The following ATP2B2 variants were observed in gnomAD, a reference collection of about 807,000 sequenced individuals.
ATP2B2 encodes ATPase plasma membrane Ca2+ transporting 2.
A neutral mutation model predicts 120.0 loss-of-function variants in ATP2B2; 15 were observed. The observed-to-expected ratio is 0.12, with a 90% CI of 0.08 to 0.19. The LOEUF (loss-of-function observed/expected upper bound fraction) is 0.19, where lower values mean the gene tolerates loss of function less well. Ranked by LOEUF, ATP2B2 falls within the 10% of genes least tolerant of loss-of-function variation. The probability of loss-of-function intolerance (pLI) is 1.00; values close to 1 mark genes in which losing one functional copy is unlikely to be tolerated. For missense variants in ATP2B2, 1,045 were observed against 1,719.8 expected (o/e 0.61, Z 6.94); for synonymous variants, 694 against 700.3 (o/e 0.99, Z 0.14).
At chr3:10,490,501 A>G (rs1263272331) in intron 1 of ATP2B2, among the ~76,000 whole-genome samples, 1 of 148,624 alleles carries the variant, frequency 6.7e-6, no homozygotes, top group African/African-American at 2.5e-5. Context: ...CCTGTGTTTA[A>G]GCAATTCCTG....
chr3:10,338,966 A>C (rs1164043013), intron 21 of ATP2B2: 1 of 155,072 alleles, frequency 6.4e-6, no homozygotes, highest in Admixed American at 6.3e-5. Context: ...AATCTTCCCC[A>C]AAAGGCTTGT....
intron 12 of ATP2B2, among the ~76,000 whole-genome samples, chr3:10,362,033 T>C (rs2125458901): frequency 6.6e-6 from 1 of 152,332 alleles, no homozygotes; most frequent in East Asian, 1.9e-4. Flanking sequence ...CACCCACTCA[T>C]GCCACTTAAT....
intron 2 of ATP2B2, among the ~76,000 whole-genome samples, chr3:10,543,526 T>C (rs2067481809): frequency 6.6e-6 from 1 of 152,214 alleles, no homozygotes; most frequent in Non-Finnish European, 1.5e-5. Flanking sequence ...AAGAGACTTG[T>C]AAAAATATGA....
intron 1 of ATP2B2, among the ~76,000 whole-genome samples, chr3:10,472,438 A>T (rs1431519965): frequency 6.6e-6 from 1 of 152,224 alleles, no homozygotes; most frequent in African/African-American, 2.4e-5. Flanking sequence ...GGGCAGGGCA[A>T]GGACTGTTCC....
At chr3:10,439,624 A>G (rs1373114294) in intron 2 of ATP2B2, among the ~76,000 whole-genome samples, 2 of 151,874 alleles carry the variant, frequency 1.3e-5, no homozygotes, top group African/African-American at 4.8e-5. Flanking sequence ...GCTTTTGGAT[A>G]CTCTAGTTTA....
intron 2 of ATP2B2, among the ~76,000 whole-genome samples, chr3:10,553,648 G>T (rs1009731620): frequency 6.6e-6 from 1 of 152,114 alleles, no homozygotes; most frequent in Non-Finnish European, 1.5e-5. Flanking sequence ...AGCTGGGGGG[G>T]AAACCCAGGA....
intron 3 of ATP2B2, among the ~76,000 whole-genome samples, chr3:10,522,811 G>A (rs559821115): frequency 6.6e-6 from 1 of 152,318 alleles, no homozygotes; most frequent in African/African-American, 2.4e-5. Flanking sequence ...AATGGGGCTT[G>A]CTCAAGGTCA....
At chr3:10,476,963 C>T (rs982933109) in intron 1 of ATP2B2, among the ~76,000 whole-genome samples, 13 of 152,196 alleles carry the variant, frequency 8.5e-5, no homozygotes, top group African/African-American at 2.4e-4. Flanking sequence ...GCATCTGCAG[C>T]TAGAGCATTC....
Position 10,326,641 on chromosome 3 carries a change from A to G in ATP2B2, c.*2173T>C, listed in dbSNP as rs887796162. The G allele has an allele frequency of 2.8e-5, 11 of 398,808 alleles. No homozygotes were observed. The highest frequency in any genetic ancestry group is 1.4e-4 in the African/African-American group (7 of 48,640). The allele number at this position is 398,808 out of a possible 1,614,324, so 24.7% of individuals were successfully genotyped here. ...TTGGTGGCGTTTGTACTGGAATCCA[A>G]TAAGCACATCTGAGGGCTGGTCACC... On this transcript the variant is annotated 3_prime_UTR_variant, in exon 23 of 23. Transcript: ENST00000360273.
intron 12 of ATP2B2, among the ~76,000 whole-genome samples, chr3:10,360,712 C>A (rs936944864): frequency 1.3e-5 from 2 of 152,206 alleles, no homozygotes; most frequent in African/African-American, 4.8e-5. Context: ...AGTACCACAA[C>A]TGAGATGGAG....
chr3:10,471,061 T>C (rs2064969179), intron 1 of ATP2B2, among the ~76,000 whole-genome samples: 1 of 152,178 alleles, frequency 6.6e-6, no homozygotes, highest in Admixed American at 6.5e-5. Context: ...AGCTGCTATT[T>C]ATAATTCTGC....
intron 2 of ATP2B2, among the ~76,000 whole-genome samples, chr3:10,609,410 G>A (rs960312933): frequency 4.6e-5 from 7 of 152,236 alleles, no homozygotes; most frequent in Non-Finnish European, 1.0e-4. Flanking sequence ...TCCCGGCATC[G>A]ATCAGCCCTG....
intron 2 of ATP2B2, among the ~76,000 whole-genome samples, chr3:10,538,635 G>C (rs894548060): frequency 1.3e-5 from 2 of 152,216 alleles, no homozygotes; most frequent in African/African-American, 2.4e-5. Context: ...CCACTTGACT[G>C]TCTCAATAGA....
At chr3:10,573,257 G>A (rs1468414879) in intron 2 of ATP2B2, among the ~76,000 whole-genome samples, 1 of 151,798 alleles carries the variant, frequency 6.6e-6, no homozygotes, top group South Asian at 2.1e-4. Flanking sequence ...CATTAGTAAT[G>A]CAATGAATAA....
intron 2 of ATP2B2, among the ~76,000 whole-genome samples, chr3:10,582,749 G>C (rs12106902): frequency 6.6e-6 from 1 of 152,126 alleles, no homozygotes; most frequent in Non-Finnish European, 1.5e-5. Context: ...TAAGAGAAGG[G>C]CAGGGCCCTG....
chr3:10,595,671 T>C (rs2068749100), intron 2 of ATP2B2, among the ~76,000 whole-genome samples: 1 of 152,180 alleles, frequency 6.6e-6, no homozygotes, highest in African/African-American at 2.4e-5. Context: ...TTAAGCATAT[T>C]ACATTTATCT....
intron 1 of ATP2B2, among the ~76,000 whole-genome samples, chr3:10,641,957 C>T (rs2070182916): frequency 7.0e-6 from 1 of 142,236 alleles, no homozygotes; most frequent in Non-Finnish European, 1.5e-5. Flanking sequence ...TTCACTCACT[C>T]ACCCATCCAC....
chr3:10,427,373 C>T (rs1475736625), intron 2 of ATP2B2, among the ~76,000 whole-genome samples: 1 of 152,204 alleles, frequency 6.6e-6, no homozygotes, highest in African/African-American at 2.4e-5. Context: ...GGACTCTCGG[C>T]ATCTCCCATC....
intron 2 of ATP2B2, among the ~76,000 whole-genome samples, chr3:10,545,669 G>A (rs578225040): frequency 6.6e-6 from 1 of 152,224 alleles, no homozygotes; most frequent in Non-Finnish European, 1.5e-5. Flanking sequence ...CAGTAATTGG[G>A]AATGCAGACA....
Sources: allele counts gnomAD v4.1 joint callset (sites outside exome capture counted in the v4.1 genomes callset), GRCh38; gene constraint gnomAD v4.1.1; transcripts MANE v1.5; gene names NCBI Gene and HGNC (gene_info 2026-07-23, HGNC 2026-07-21).